ZC4H2: variants seen among roughly 807,000 people sequenced by gnomAD.
ZC4H2 encodes the protein zinc finger C4H2 domain-containing protein.
For missense variants in ZC4H2, 137 were observed against 173.9 expected (o/e 0.79, Z 1.19); for synonymous variants, 84 against 66.3 (o/e 1.27, Z -1.30).
chrX:64,962,631 T>G (rs1931442636), intron 1 of ZC4H2, among the ~76,000 whole-genome samples: 1 of 111,579 alleles, frequency 9.0e-6, no homozygotes, highest in Non-Finnish European at 1.9e-5. Context: ...TGACAAAATC[T>G]TATTTGTACA....
intron 1 of ZC4H2, among the ~76,000 whole-genome samples, chrX:64,925,936 G>A (rs1242988778): frequency 8.9e-6 from 1 of 112,005 alleles, no homozygotes; most frequent in Non-Finnish European, 1.9e-5. Flanking sequence ...TGCCTGCTGT[G>A]GCAAGAAATA....
intron 1 of ZC4H2, among the ~76,000 whole-genome samples, chrX:65,007,918 A>G (rs1932693688): frequency 8.9e-6 from 1 of 111,945 alleles, no homozygotes; most frequent in South Asian, 3.8e-4. Context: ...TTTCTTGAGT[A>G]AGGCCCCAAA....
chrX:64,956,852 C>T (rs1931178292), intron 1 of ZC4H2, among the ~76,000 whole-genome samples: 1 of 112,282 alleles, frequency 8.9e-6, no homozygotes, highest in Non-Finnish European at 1.9e-5. Flanking sequence ...TTGTTCCCAC[C>T]TTGTAAAACC....
At chrX:64,984,377 C>T (rs1422220633) in intron 1 of ZC4H2, among the ~76,000 whole-genome samples, 2 of 111,678 alleles carry the variant, frequency 1.8e-5, no homozygotes, top group Non-Finnish European at 3.8e-5. Flanking sequence ...AATCAGCCTC[C>T]GTAAAAATTT....
At chrX:64,959,003 A>G (rs1197980279) in intron 1 of ZC4H2, among the ~76,000 whole-genome samples, 1 of 111,242 alleles carries the variant, frequency 9.0e-6, no homozygotes, top group African/African-American at 3.3e-5. Context: ...TGAAATAAGG[A>G]CTATATTACC....
At chrX:64,931,863 A>C (rs1929765870) in intron 1 of ZC4H2, among the ~76,000 whole-genome samples, 1 of 111,673 alleles carries the variant, frequency 9.0e-6, no homozygotes, top group Non-Finnish European at 1.9e-5. Context: ...ATATATGTTA[A>C]TTCTGTTTGT....
chrX:64,955,402 A>G (rs1011413339), intron 1 of ZC4H2, among the ~76,000 whole-genome samples: 2 of 111,535 alleles, frequency 1.8e-5, no homozygotes, highest in Admixed American at 1.9e-4. Flanking sequence ...AGGACAATCA[A>G]CCCCTTCACA....
At chrX:64,935,547 G>T (rs1472761069) in intron 1 of ZC4H2, among the ~76,000 whole-genome samples, 2 of 111,884 alleles carry the variant, frequency 1.8e-5, no homozygotes, top group African/African-American at 3.2e-5. Context: ...TCTCAGTAGG[G>T]GCCAACAGAC....
At chrX:64,993,743 G>A (rs1303133166) in intron 1 of ZC4H2, among the ~76,000 whole-genome samples, 1 of 111,861 alleles carries the variant, frequency 8.9e-6, no homozygotes, top group Non-Finnish European at 1.9e-5. Context: ...CTCCCCAAGA[G>A]CACCCCCTCC....
chrX:64,927,392 T>G (rs1929475936), intron 1 of ZC4H2, among the ~76,000 whole-genome samples: 1 of 111,328 alleles, frequency 9.0e-6, no homozygotes, highest in Admixed American at 9.6e-5. Flanking sequence ...TTTAGTTTTC[T>G]GTTCCTGTGT....
chrX:64,981,128 G>A (rs1932074433), upstream of ZC4H2, among the ~76,000 whole-genome samples: 1 of 110,964 alleles, frequency 9.0e-6, no homozygotes, highest in African/African-American at 3.3e-5. Context: ...AAAAAAGTAG[G>A]TAGGGCTCTG....
In ZC4H2 at chrX:64,945,085, C is replaced by T. The variant is rs369564951; in HGVS notation, c.54-23097G>A. 6.2e-5 allele frequency among the ~76,000 whole-genome samples: 7 copies of T among 112,946 alleles called. No homozygotes were observed. The East Asian group carries it at 1.7e-3, about 27-fold the overall frequency. ...CTTCTGAAGCCTACTTCTGTCATTT[C>T]GTCAAACTCTTGCTCCATCCAGTTT... On this transcript the variant is annotated intron_variant, in intron 1 of 4. Transcript: ENST00000374839.
chrX:65,013,281 G>T (rs1460683373), intron 1 of ZC4H2, among the ~76,000 whole-genome samples: 1 of 111,536 alleles, frequency 9.0e-6, no homozygotes, highest in Non-Finnish European at 1.9e-5. Flanking sequence ...ATTCTAAGGA[G>T]TGTGGAAGTA....
intron 1 of ZC4H2, among the ~76,000 whole-genome samples, chrX:64,997,818 A>T (rs771622692): frequency 1.8e-5 from 2 of 111,562 alleles, no homozygotes; most frequent in South Asian, 7.6e-4. Flanking sequence ...GGGTTTCACC[A>T]TATTGCTCAG....
chrX:64,956,030 A>T (rs1438566441), intron 1 of ZC4H2, among the ~76,000 whole-genome samples: 2 of 111,808 alleles, frequency 1.8e-5, no homozygotes, highest in Admixed American at 1.9e-4. Context: ...AGCAATGATT[A>T]AAAATGTATC....
At chrX:64,934,785 T>A (rs758283674) in intron 1 of ZC4H2, among the ~76,000 whole-genome samples, 3 of 111,472 alleles carry the variant, frequency 2.7e-5, no homozygotes, top group Non-Finnish European at 5.7e-5. Flanking sequence ...AGGGACTGCA[T>A]TGTGCACTAT....
At chrX:64,933,025 C>T (rs1345183406) in intron 1 of ZC4H2, among the ~76,000 whole-genome samples, 1 of 111,437 alleles carries the variant, frequency 9.0e-6, no homozygotes, top group Non-Finnish European at 1.9e-5. Flanking sequence ...TTACATAATC[C>T]CATATTCCTT....
upstream of ZC4H2, among the ~76,000 whole-genome samples, chrX:64,980,669 G>C (rs1045081895): frequency 6.3e-5 from 7 of 111,032 alleles, no homozygotes; most frequent in Non-Finnish European, 1.1e-4. Context: ...TTACAGAAGA[G>C]GAAGTTGAGG....
chrX:64,965,949 CA>C (rs148777993), intron 1 of ZC4H2, among the ~76,000 whole-genome samples: 83 of 37,588 alleles, frequency 2.2e-3, no homozygotes, highest in African/African-American at 0.012. Flanking sequence ...AACAAAGAAG[CA>C]AAAAAAAAAA....
Sources: allele counts gnomAD v4.1 joint callset (sites outside exome capture counted in the v4.1 genomes callset), GRCh38; gene constraint gnomAD v4.1.1; transcripts MANE v1.5; gene names NCBI Gene and HGNC (gene_info 2026-07-23, HGNC 2026-07-21).